Variants in CDH23 observed in about 807,000 individuals in gnomAD.
CDH23 encodes the protein cadherin-23.
CDH23 carries 189 observed loss-of-function variants against 317.1 expected under a neutral mutation model. That is an observed-to-expected ratio of 0.60 (90% CI 0.53 to 0.67). CDH23 has a LOEUF of 0.67. CDH23 is among the 30% of genes least tolerant of loss of function. CDH23 has a pLI of 0.00. For synonymous variants in CDH23, 1,839 were observed against 1,876.8 expected (o/e 0.98, Z 0.52); for missense variants, 4,401 against 4,592.4 (o/e 0.96, Z 1.20).
At position 71,784,291 on chromosome 10, in the gene CDH23, G is replaced by T. The variant is rs1841037488; in HGVS notation, c.5373G>T (p.Glu1791Asp). 1 of 1,613,214 alleles carries T rather than the reference G, an allele frequency of 6.2e-7. No homozygotes were observed. The highest frequency in any genetic ancestry group is 1.3e-5 in the African/African-American group (1 of 74,928). The change falls in exon 42 of 70, where the codon GAG (glutamate) becomes GAT (aspartate). Residue 1791 changes from glutamate to aspartate, a missense_variant. Transcript: ENST00000224721. Reference sequence around the variant, plus strand: ...GCCTCTCCTGGTGACACCCAGGGGAGTTTGTGATCTCTCCTGTGGAGGGGG... The same window carrying T: ...GCCTCTCCTGGTGACACCCAGGGGATTTTGTGATCTCTCCTGTGGAGGGGG... ...YSIMDGDPLG[E>D]FVISPVEGVL... is the part of the protein sequence containing the mutation.
intron 27 of CDH23, among the ~76,000 whole-genome samples, chr10:71,711,350 G>A (rs1865962287): frequency 1.3e-5 from 2 of 152,188 alleles, no homozygotes; most frequent in Non-Finnish European, 2.9e-5. Context: ...TCCAGTGAGC[G>A]ACAGCACTGC....
intron 3 of CDH23, among the ~76,000 whole-genome samples, chr10:71,503,886 C>T (rs944495507): frequency 2.0e-5 from 3 of 151,998 alleles, no homozygotes; most frequent in African/African-American, 4.8e-5. Flanking sequence ...GCGAGGGTCC[C>T]GAGGCAGCCA....
chr10:71,557,984 C>CT (rs1020548912), intron 6 of CDH23, among the ~76,000 whole-genome samples: 1 of 124,938 alleles, frequency 8.0e-6, no homozygotes, highest in African/African-American at 3.4e-5. Flanking sequence ...TTCATTTACT[C>CT]TTTTTTTTAA....
intron 6 of CDH23, among the ~76,000 whole-genome samples, chr10:71,556,718 A>T (rs1271951658): frequency 1.8e-4 from 28 of 152,260 alleles, no homozygotes. Flanking sequence ...CAAATAGTAC[A>T]GCTCAGCTTA....
At chr10:71,576,860 T>G (rs1346735225) in intron 8 of CDH23, among the ~76,000 whole-genome samples, 1 of 152,180 alleles carries the variant, frequency 6.6e-6, no homozygotes, top group African/African-American at 2.4e-5. Flanking sequence ...GTTTGTTCGT[T>G]TGTTTATTCA....
chr10:71,758,206 A>G (rs1336807384), intron 38 of CDH23, among the ~76,000 whole-genome samples: 1 of 152,122 alleles, frequency 6.6e-6, no homozygotes, highest in Non-Finnish European at 1.5e-5. Context: ...TGTTGGTTTG[A>G]AAAAAGGGTA....
At chr10:71,526,117 T>G (rs1473265152) in intron 6 of CDH23, among the ~76,000 whole-genome samples, 1 of 152,036 alleles carries the variant, frequency 6.6e-6, no homozygotes, top group African/African-American at 2.4e-5. Context: ...GAGCAGGGGG[T>G]TCACCCATCC....
chr10:71,798,838 G>A (rs370826172), intron 50 of CDH23, among the ~76,000 whole-genome samples: 9 of 152,304 alleles, frequency 5.9e-5, no homozygotes, highest in East Asian at 1.9e-4. Context: ...TAGTACCACC[G>A]AGGGAGCAGG....
chr10:71,646,405 A>G, intron 13 of CDH23, 54 bp from the exon 14 acceptor site: 1 of 1,597,360 alleles, frequency 6.3e-7, no homozygotes, highest in Non-Finnish European at 8.5e-7. Context: ...AGGGACAAGG[A>G]CTCTGGGAGG....
intron 6 of CDH23, among the ~76,000 whole-genome samples, chr10:71,554,691 C>G (rs1856784416): frequency 6.6e-6 from 1 of 151,682 alleles, no homozygotes; most frequent in African/African-American, 2.4e-5. Flanking sequence ...CTGGATTTTT[C>G]TCTTGGAGTT....
intron 9 of CDH23, among the ~76,000 whole-genome samples, chr10:71,590,903 A>T (rs866947654): frequency 1.3e-5 from 2 of 149,182 alleles, no homozygotes; most frequent in Non-Finnish European, 3.0e-5. Flanking sequence ...AAAACAAAAA[A>T]AAACACCAGT....
intron 38 of CDH23, among the ~76,000 whole-genome samples, chr10:71,772,264 C>G (rs1840702159): frequency 6.6e-6 from 1 of 152,184 alleles, no homozygotes; most frequent in Non-Finnish European, 1.5e-5. Context: ...CTTCCAGGTT[C>G]AGCCTCCTCC....
Position 71,806,264 on chromosome 10 carries a change from CT to C in CDH23, c.8165del (p.Phe2722SerfsTer2). 1 of 1,561,838 alleles carries C rather than the reference CT, an allele frequency of 6.4e-7. No individual in the cohort carries two copies. Among genetic ancestry groups the C allele is most frequent in the South Asian group, 1.2e-5 (1 of 84,798 alleles). The stretch of plus-strand genomic sequence containing the variant: ...GGAGGACATCGATGACAACGAACCC[CT>C]TTTCGTGAGGCCTCCAGTGAGCTTG... ...ALEDIDDNEP[L>X]FVRPPKGSPQ... On this transcript the variant is annotated frameshift_variant, in exon 57 of 70. Coordinates refer to ENST00000224721, the MANE Select transcript of CDH23 (RefSeq NM_022124.6). LOFTEE classifies it high-confidence loss of function.
At chr10:71,495,671 A>T (rs75069019) in intron 3 of CDH23, among the ~76,000 whole-genome samples, 12 of 134,502 alleles carry the variant, frequency 8.9e-5, no homozygotes, top group Admixed American at 1.4e-4. Context: ...CATCTCTATT[A>T]AAAAAAAAAA....
In CDH23 at chr10:71,601,112, C is replaced by T. The variant is rs116250115; in HGVS notation, c.833-14392C>T. 5.4e-4 allele frequency among the ~76,000 whole-genome samples: 82 copies of T among 152,262 alleles called. 1 individual carries two copies. The highest frequency in any genetic ancestry group is 1.8e-3 in the African/African-American group (76 of 41,542). On this transcript the variant is annotated intron_variant, in intron 9 of 69. Coordinates refer to ENST00000224721, the MANE Select transcript of CDH23 (RefSeq NM_022124.6). ...ATACTCTGAGTCACTGACCAAATGCCGGAAAACCCTCCAACATTAGGAAAC... is the reference window on the plus strand; with the variant it reads ...ATACTCTGAGTCACTGACCAAATGCTGGAAAACCCTCCAACATTAGGAAAC...
intron 1 of CDH23, among the ~76,000 whole-genome samples, chr10:71,410,231 A>G (rs758027184): frequency 6.6e-6 from 1 of 152,204 alleles, no homozygotes; most frequent in African/African-American, 2.4e-5. Flanking sequence ...AAATGTTGCT[A>G]TTGTTTATTA....
intron 19 of CDH23, among the ~76,000 whole-genome samples, chr10:71,689,333 G>C (rs1454351309): frequency 6.6e-6 from 1 of 152,018 alleles, no homozygotes; most frequent in Non-Finnish European, 1.5e-5. Flanking sequence ...TGGGTGCTGG[G>C]CTGCACCCAG....
intron 6 of CDH23, among the ~76,000 whole-genome samples, chr10:71,515,594 A>G (rs1854290899): frequency 6.6e-6 from 1 of 151,996 alleles, no homozygotes; most frequent in Non-Finnish European, 1.5e-5. Context: ...AGGGATTCTG[A>G]GCTGACTTGG....
At chr10:71,680,806 CTTTCTTTTTTTTTTTTCTT>C (rs1334523966) in intron 17 of CDH23, among the ~76,000 whole-genome samples, 5 of 80,344 alleles carry the variant, frequency 6.2e-5, no homozygotes, top group Admixed American at 1.5e-4. Context: ...ATCCCTCTGT[CTTTCTTTTTTTTTTTTCTT>C]TTTCTTTTTT....
Sources: gnomAD v4.1 joint callset for allele counts (sites outside exome capture counted in the v4.1 genomes callset) on GRCh38, gnomAD v4.1.1 for gene constraint, MANE v1.5 for transcripts, NCBI Gene and HGNC (gene_info 2026-07-23, HGNC 2026-07-21) for gene names.